F13A1: variants seen among roughly 807,000 people sequenced by gnomAD.
The protein encoded by F13A1 is coagulation factor XIII A chain.
F13A1 carries 47 observed loss-of-function variants against 80.1 expected under a neutral mutation model. That is an observed-to-expected ratio of 0.59 (90% confidence interval 0.46 to 0.75). The LOEUF is 0.75. Ranked by LOEUF, F13A1 falls within the 30% of genes least tolerant of loss-of-function variation. The pLI, the probability that F13A1 is intolerant of heterozygous loss-of-function variation, is 0.00. For synonymous variants in F13A1, 349 were observed against 344.9 expected, an observed-to-expected ratio of 1.01 and a Z score of -0.13; for missense variants, 817 against 930.4, an observed-to-expected ratio of 0.88 and a Z score of 1.59.
intron 6 of F13A1, among the ~76,000 whole-genome samples, chr6:6,233,134 C>T (rs970729657): frequency 5.3e-5 from 8 of 151,472 alleles, no homozygotes; most frequent in African/African-American, 1.9e-4. Context: ...TTGAAACAAA[C>T]AAAAATACAA....
intron 4 of F13A1, among the ~76,000 whole-genome samples, chr6:6,258,473 G>A (rs1172927305): frequency 6.6e-6 from 1 of 152,174 alleles, no homozygotes; most frequent in Non-Finnish European, 1.5e-5. Context: ...TACAAGGAAG[G>A]AATTGTAAAC....
chr6:6,195,679 C>T, intron 10 of F13A1, 118 bp downstream of exon 10: 2 of 857,964 alleles, frequency 2.3e-6, no homozygotes, highest in South Asian at 1.4e-5. Context: ...TTACCTTTGT[C>T]AACACGAAGC....
chr6:6,241,721 C>T (rs547720106), intron 6 of F13A1, among the ~76,000 whole-genome samples: 10 of 152,150 alleles, frequency 6.6e-5, no homozygotes, highest in Admixed American at 1.3e-4. Flanking sequence ...AAAACTGTTA[C>T]GAAAGTACCT....
chr6:6,206,667 C>A, intron 8 of F13A1: 1 of 412,218 alleles, frequency 2.4e-6, no homozygotes, highest in South Asian at 1.7e-5. Context: ...ATGCCCCCTT[C>A]TTGTTTTTAA....
At chr6:6,176,020 T>G (rs1416864976) in intron 11 of F13A1, among the ~76,000 whole-genome samples, 1 of 152,248 alleles carries the variant, frequency 6.6e-6, no homozygotes, top group African/African-American at 2.4e-5. Flanking sequence ...GAAACAGGGC[T>G]CATGCAGATG....
intron 3 of F13A1, among the ~76,000 whole-genome samples, chr6:6,291,353 C>T (rs1020297718): frequency 6.6e-6 from 1 of 152,074 alleles, no homozygotes; most frequent in African/African-American, 2.4e-5. Context: ...CCAGTCCCTC[C>T]AATCCTGAAA....
intron 4 of F13A1, among the ~76,000 whole-genome samples, chr6:6,253,143 A>C (rs866816252): frequency 1.7e-3 from 112 of 65,514 alleles, no homozygotes; most frequent in African/African-American, 4.5e-3. Context: ...AATCTGTCCC[A>C]AAAAAAAAAA....
At chr6:6,305,651 G>T in intron 2 of F13A1, 112 bp from the exon 3 acceptor site, 2 of 1,028,694 alleles carry the variant, frequency 1.9e-6, no homozygotes, top group Non-Finnish European at 2.9e-6. Flanking sequence ...AAGGTCTGCT[G>T]AATGAAACTC....
chr6:6,313,562 A>C (rs967087818), intron 2 of F13A1, among the ~76,000 whole-genome samples: 6 of 152,308 alleles, frequency 3.9e-5, no homozygotes, highest in African/African-American at 1.4e-4. Flanking sequence ...TCTTGAAATA[A>C]GTTAAATGTT....
rs557825091 is a variant in F13A1, at chr6:6,318,661, A to G, written c.4T>C (p.Ser2Pro). The G allele has an allele frequency of 6.2e-7, 1 of 1,609,336 alleles. No individual in the cohort carries two copies. Among genetic ancestry groups the G allele is most frequent in the African/African-American group, 1.4e-5 (1 of 73,616 alleles). The change falls in exon 2 of 15, where the codon TCA becomes CCA. Residue 2 changes from serine (S) to proline (P), a missense_variant. By Grantham distance (74) the Ser-to-Pro change is moderately conservative. Coordinates refer to ENST00000264870, the MANE Select transcript of F13A1 (RefSeq NM_000129.4). The stretch of plus-strand genomic sequence containing the variant: ...CCAAAGGCGGTCCTGGAAGTTTCTG[A>G]CATTTTTGACTTTACAAGGTCCTTC... Reference protein sequence around the residue: MSETSRTAFGGR... With the variant: MPETSRTAFGGR...
intron 3 of F13A1, among the ~76,000 whole-genome samples, chr6:6,274,679 T>G (rs982877311): frequency 1.3e-5 from 2 of 152,220 alleles, no homozygotes; most frequent in African/African-American, 4.8e-5. Flanking sequence ...TTTTAAACAT[T>G]CCTACAGCAT....
At position 6,174,817 on chromosome 6, in the gene F13A1, T is replaced by C. The variant is rs1760851775; in HGVS notation, c.1510A>G (p.Lys504Glu). Reference protein sequence around the residue: ...ALETALMYGAKKPLNTEGVMK... With the variant: ...ALETALMYGAEKPLNTEGVMK... ...ACACCTTCTGTGTTGAGGGGCTTTT[T>C]AGCTCCGTACATCAGGGCAGTTTCT... The change falls in exon 12 of 15, where the codon AAA becomes GAA. Residue 504 changes from lysine (K) to glutamate (E), a missense_variant. Physicochemically the swap from Lys to Glu is moderately conservative, Grantham distance 56. Coordinates refer to ENST00000264870, the MANE Select transcript of F13A1 (RefSeq NM_000129.4). The C allele has an allele frequency of 6.2e-7, 1 of 1,614,072 alleles. No individual in the cohort carries two copies. Among genetic ancestry groups the C allele is most frequent in the Admixed American group, 1.7e-5 (1 of 60,008 alleles).
intron 8 of F13A1, among the ~76,000 whole-genome samples, chr6:6,221,160 CA>C (rs2113057233): frequency 6.6e-6 from 1 of 152,300 alleles, no homozygotes; most frequent in East Asian, 1.9e-4. Context: ...AATTTCCTCC[CA>C]CACAGACCTT....
At chr6:6,160,826 A>T (rs1397458177) in intron 13 of F13A1, among the ~76,000 whole-genome samples, 1 of 151,768 alleles carries the variant, frequency 6.6e-6, no homozygotes, top group Non-Finnish European at 1.5e-5. Flanking sequence ...AAACTCTTGG[A>T]AACAGTCAAT....
intron 3 of F13A1, among the ~76,000 whole-genome samples, chr6:6,293,227 C>T (rs942240842): frequency 2.6e-5 from 4 of 152,070 alleles, no homozygotes; most frequent in Admixed American, 6.5e-5. Flanking sequence ...GGGAGTGAAA[C>T]CTCTGCCGTT....
chr6:6,160,525 CAG>C (rs1298634655), intron 13 of F13A1, among the ~76,000 whole-genome samples: 1 of 151,904 alleles, frequency 6.6e-6, no homozygotes, highest in Non-Finnish European at 1.5e-5. Flanking sequence ...TTAGTAGAAA[CAG>C]GGTTTCACCA....
intron 7 of F13A1, among the ~76,000 whole-genome samples, chr6:6,224,172 G>A (rs916174448): frequency 6.6e-6 from 1 of 152,094 alleles, no homozygotes; most frequent in Non-Finnish European, 1.5e-5. Context: ...CAGGGGCATT[G>A]AGAAATGTGG....
intron 8 of F13A1, among the ~76,000 whole-genome samples, chr6:6,207,723 G>A (rs1339136335): frequency 6.6e-6 from 1 of 152,136 alleles, no homozygotes; most frequent in African/African-American, 2.4e-5. Context: ...ACGCTACTTG[G>A]CTAAAGCTGG....
chr6:6,289,641 C>G (rs1370032163), intron 3 of F13A1, among the ~76,000 whole-genome samples: 1 of 152,054 alleles, frequency 6.6e-6, no homozygotes, highest in Non-Finnish European at 1.5e-5. Flanking sequence ...AATTTATCTT[C>G]CACACTTCTG....
Sources: gnomAD v4.1 joint callset for allele counts (sites outside exome capture counted in the v4.1 genomes callset) on GRCh38, gnomAD v4.1.1 for gene constraint, MANE v1.5 for transcripts, NCBI Gene and HGNC (gene_info 2026-07-23, HGNC 2026-07-21) for gene names.